ANKMY1: variants seen among roughly 807,000 people sequenced by gnomAD.
ANKMY1 encodes the protein ankyrin repeat and MYND domain containing 1, also known as ankyrin repeat and MYND domain-containing protein 1.
Under a neutral mutation model 102.0 loss-of-function variants are expected in ANKMY1, and 98 were observed. The ratio of observed to expected loss-of-function variants is 0.96; its 90% confidence interval spans 0.82 to 1.14. ANKMY1 has a LOEUF of 1.14. Ranked by LOEUF, ANKMY1 falls within the 50% of genes most tolerant of loss-of-function variation. The probability of loss-of-function intolerance (pLI) is 0.00; values close to 1 mark genes in which losing one functional copy is unlikely to be tolerated. For missense variants in ANKMY1, 1,330 were observed against 1,347.6 expected (o/e 0.99, Z 0.20); for synonymous variants, 582 against 559.9 (o/e 1.04, Z -0.56).
chr2:240,471,905 C>G, the ANKMY1 span, among the ~76,000 whole-genome samples: 10 of 152,168 alleles, frequency 6.6e-5, no homozygotes, highest in Non-Finnish European at 1.0e-4. Flanking sequence ...GACACAGGAA[C>G]CATCTGCCCA....
chr2:240,512,558 C>G (rs763757505), intron 10 of ANKMY1, among the ~76,000 whole-genome samples: 17 of 152,276 alleles, frequency 1.1e-4, no homozygotes, highest in Non-Finnish European at 2.5e-4. Flanking sequence ...GCCCTGTGGA[C>G]TGCCTGAATA....
In ANKMY1 at chr2:240,500,187, T is replaced by C. The variant is rs576605690; in HGVS notation, c.2641-64A>G. The C allele has an allele frequency of 4.0e-6, 6 of 1,484,330 alleles. No individual in the cohort carries two copies. The African/African-American group carries it at 8.4e-5, about 21-fold the overall frequency. 91.9% of individuals were successfully genotyped at this position (1,484,330 alleles called of 1,614,324 possible). A position where few individuals can be genotyped will look rare whatever the true frequency, so the allele number is the denominator to read the frequency against. ...CCGCCCCTCACTGCTGGGGTGACTC[T>C]CGGTGATCGAGGGCTCCTGTCAGCT... On this transcript the variant is annotated intron_variant, in intron 14 of 17. Coordinates refer to ENST00000401804, the MANE Select transcript of ANKMY1 (RefSeq NM_001282771.3).
downstream of ANKMY1, among the ~76,000 whole-genome samples, chr2:240,478,443 C>A (rs2075004387): frequency 6.6e-6 from 1 of 152,114 alleles, no homozygotes; most frequent in African/African-American, 2.4e-5. Context: ...GTGCCTACAC[C>A]CACCCAGCAT....
intron 8 of ANKMY1, among the ~76,000 whole-genome samples, chr2:240,521,326 C>T (rs1299038846): frequency 1.3e-5 from 2 of 152,078 alleles, no homozygotes; most frequent in Non-Finnish European, 1.5e-5. Context: ...CCTGACCACT[C>T]GGAAGCCCAG....
chr2:240,550,939 G>A (rs184479715), intron 4 of ANKMY1, among the ~76,000 whole-genome samples: 150 of 152,204 alleles, frequency 9.9e-4, no homozygotes, highest in Non-Finnish European at 1.7e-3. Context: ...ATCAGCTACC[G>A]TCCAGGGCTT....
chr2:240,560,190 A>AG (rs2092826092), upstream of ANKMY1: 1 of 153,684 alleles, frequency 6.5e-6, no homozygotes. Flanking sequence ...CGCAGTCACT[A>AG]GGGAAAGGGT....
chr2:240,482,332 C>G, intron 15 of ANKMY1, 71 bp from the exon 16 acceptor site: 1 of 1,400,532 alleles, frequency 7.1e-7, no homozygotes, highest in Non-Finnish European at 9.9e-7. Flanking sequence ...AAGCCACCTC[C>G]TTGCGCCCTC....
At chr2:240,516,911 C>T (rs1302542174) in intron 9 of ANKMY1, among the ~76,000 whole-genome samples, 1 of 152,192 alleles carries the variant, frequency 6.6e-6, no homozygotes, top group African/African-American at 2.4e-5. Context: ...CTTTTTGAAA[C>T]ACTGCTGTTT....
chr2:240,535,665 T>C (rs1215239089), intron 4 of ANKMY1, among the ~76,000 whole-genome samples: 1 of 152,204 alleles, frequency 6.6e-6, no homozygotes, highest in Non-Finnish European at 1.5e-5. Flanking sequence ...AGTCATGATA[T>C]ATAGGGTCAA....
rs1458866105 is a variant in ANKMY1, at chr2:240,481,069, A to G, written c.2914T>C (p.Cys972Arg). Residue 972 changes from cysteine (C) to arginine (R), a missense_variant, in exon 17 of 18, where the codon TGT becomes CGT. By Grantham distance (180) the Cys-to-Arg change is radical. Transcript: ENST00000401804. ...AGGCGGACCCCGATGGAGCGGCCAC[A>G]CTGGTAGCAGAACTTGAAGAAGGGA... ...QIPFFKFCYQ[C>R]GRSIGVRLLP... 1 of 1,612,570 alleles carries G rather than the reference A, an allele frequency of 6.2e-7. No homozygotes were observed. The highest frequency in any genetic ancestry group is 1.7e-5 in the Admixed American group (1 of 60,004).
chr2:240,507,854 C>A, intron 12 of ANKMY1, 163 bp from the exon 13 acceptor site: 3 of 768,872 alleles, frequency 3.9e-6, no homozygotes, highest in Non-Finnish European at 5.8e-6. Context: ...GTGGGTCCCG[C>A]TGCTGGCCTG....
intron 4 of ANKMY1, among the ~76,000 whole-genome samples, chr2:240,537,070 GA>G: frequency 6.6e-6 from 1 of 151,862 alleles, no homozygotes; most frequent in Non-Finnish European, 1.5e-5. Context: ...AAAAAGAAAA[GA>G]AAAAAACAGC....
intron 4 of ANKMY1, among the ~76,000 whole-genome samples, chr2:240,552,156 C>T (rs1200890679): frequency 6.6e-6 from 1 of 152,240 alleles, no homozygotes. Context: ...TCTTCAGCTG[C>T]ACCTCCAAAT....
rs752050815 is a variant in ANKMY1 at position 240,529,369 on chromosome 2, G to A, written c.621C>T (p.Tyr207=). ...GGGTGATGAAGCTGGAGAACTCAGG[G>A]TATCTGAGGAGGGAGAAGCCACTGG... ...QIPSGFSLLR[Y]PEFSSFITHS... is the part of the protein sequence containing the mutation. Residue 207 remains tyrosine (Y), a synonymous_variant, in exon 5 of 18, where the codon TAC becomes TAT. Coordinates refer to ENST00000401804, the MANE Select transcript of ANKMY1 (RefSeq NM_001282771.3). The surrounding 1 kb of genome is among the most constrained non-coding windows in gnomAD (Gnocchi z 4.2). The A allele has an allele frequency of 6.2e-7, 1 of 1,614,172 alleles. No individual in the cohort carries two copies. The highest frequency in any genetic ancestry group is 8.5e-7 in the Non-Finnish European group (1 of 1,180,044).
At chr2:240,494,661 G>C (rs1192973415) in intron 15 of ANKMY1, among the ~76,000 whole-genome samples, 1 of 152,072 alleles carries the variant, frequency 6.6e-6, no homozygotes, top group Non-Finnish European at 1.5e-5. Context: ...TCTCAGAAAG[G>C]GTGTGGAACC....
chr2:240,515,379 AC>A (rs1175606331), intron 9 of ANKMY1, among the ~76,000 whole-genome samples: 2 of 152,112 alleles, frequency 1.3e-5, no homozygotes, highest in East Asian at 3.9e-4. Context: ...TACTAAAAAT[AC>A]AAAAATTAGC....
intron 9 of ANKMY1, among the ~76,000 whole-genome samples, chr2:240,519,084 T>A (rs902389259): frequency 9.2e-5 from 14 of 152,200 alleles, no homozygotes; most frequent in Admixed American, 7.9e-4. Flanking sequence ...AAACAAAATC[T>A]ACAAATAAAT....
In ANKMY1 at chr2:240,481,001, C is replaced by G. The variant is rs1317382536; in HGVS notation, c.2982G>C (p.Lys994Asn). The G allele has an allele frequency of 8.7e-6, 14 of 1,613,892 alleles. No individual in the cohort carries two copies. The highest frequency in any genetic ancestry group is 1.1e-5 in the Non-Finnish European group (13 of 1,179,896). ...PRCYGILTCS[K>N]YCKTKAWTEF... ...CGGTCCAGGCCTTGGTCTTGCAGTA[C>G]TTGCTGCAGGTCAGGATCCCGTAGC... Residue 994 changes from lysine (K) to asparagine (N), a missense_variant, in exon 17 of 18, where the codon AAG (lysine) becomes AAC (asparagine). Physicochemically the swap from Lys to Asn is moderately conservative, Grantham distance 94. Coordinates refer to ENST00000401804, the MANE Select transcript of ANKMY1 (RefSeq NM_001282771.3).
At chr2:240,539,851 G>A (rs72998083) in intron 4 of ANKMY1, among the ~76,000 whole-genome samples, 12,577 of 152,196 alleles carry the variant, frequency 0.083, 688 homozygotes, top group Non-Finnish European at 0.12. Context: ...CAGAAAAACC[G>A]GAAAAACTGT....
Sources: gnomAD v4.1 joint callset for allele counts (sites outside exome capture counted in the v4.1 genomes callset) on GRCh38, gnomAD v4.1.1 for gene constraint, Gnocchi (gnomAD v3.1) non-coding constraint, MANE v1.5 for transcripts, NCBI Gene and HGNC (gene_info 2026-07-23, HGNC 2026-07-21) for gene names.